The following MACROD2 variants were observed in gnomAD, a reference collection of about 807,000 sequenced individuals.
The protein encoded by MACROD2 is mono-ADP ribosylhydrolase 2.
A neutral mutation model predicts 70.4 loss-of-function variants in MACROD2; 36 were observed. The observed-to-expected ratio is 0.51, with a 90% CI of 0.39 to 0.68. MACROD2 has a LOEUF of 0.68. MACROD2 is among the 30% of genes least tolerant of loss of function. MACROD2 has a pLI of 0.00. For synonymous variants in MACROD2, 172 were observed against 178.8 expected (o/e 0.96, Z 0.30); for missense variants, 496 against 538.4 (o/e 0.92, Z 0.78).
chr20:14,770,012 A>G (rs1196391552), intron 5 of MACROD2, among the ~76,000 whole-genome samples: 2 of 152,118 alleles, frequency 1.3e-5, no homozygotes, highest in Non-Finnish European at 2.9e-5. Flanking sequence ...TTGACATGAA[A>G]ATCATTTCAT....
chr20:14,881,617 A>T (rs937940513), intron 5 of MACROD2, among the ~76,000 whole-genome samples: 3 of 151,984 alleles, frequency 2.0e-5, no homozygotes, highest in Admixed American at 2.0e-4. Flanking sequence ...AGGGTCATAT[A>T]TTGACTTGGT....
chr20:14,145,044 A>G (rs770676524), intron 3 of MACROD2, among the ~76,000 whole-genome samples: 5 of 152,222 alleles, frequency 3.3e-5, no homozygotes, highest in African/African-American at 1.2e-4. Context: ...GATTTCCCCA[A>G]TTCCTCCAGG....
chr20:15,910,201 T>C (rs1368190133), intron 10 of MACROD2, among the ~76,000 whole-genome samples: 1 of 152,224 alleles, frequency 6.6e-6, no homozygotes, highest in Non-Finnish European at 1.5e-5. Flanking sequence ...ATTCTGTTGC[T>C]TTTGCTGAGA....
intron 5 of MACROD2, among the ~76,000 whole-genome samples, chr20:14,919,034 A>G (rs895387648): frequency 6.6e-6 from 1 of 152,164 alleles, no homozygotes; most frequent in Non-Finnish European, 1.5e-5. Context: ...AGTCCTCCCA[A>G]ATTGGATTAA....
chr20:15,830,849 T>A (rs1279768919), intron 8 of MACROD2, among the ~76,000 whole-genome samples: 2 of 152,246 alleles, frequency 1.3e-5, no homozygotes, highest in African/African-American at 4.8e-5. Context: ...TGACTATCAT[T>A]TATGTGTTAT....
intron 3 of MACROD2, among the ~76,000 whole-genome samples, chr20:14,407,569 C>T (rs6110278): frequency 0.28 from 42,399 of 151,938 alleles, 6,869 homozygotes; most frequent in South Asian, 0.57. Flanking sequence ...AAGCCATTCC[C>T]AGTAAAATCG....
intron 6 of MACROD2, among the ~76,000 whole-genome samples, chr20:15,367,305 C>A (rs767721419): frequency 6.6e-6 from 1 of 152,128 alleles, no homozygotes; most frequent in Non-Finnish European, 1.5e-5. Flanking sequence ...GGATTACAGG[C>A]GTGAGCCACC....
intron 3 of MACROD2, among the ~76,000 whole-genome samples, chr20:14,489,922 A>G (rs551479758): frequency 2.0e-5 from 3 of 151,530 alleles, no homozygotes; most frequent in South Asian, 2.1e-4. Context: ...GTGCAGTGGC[A>G]CAATCTCGGC....
intron 9 of MACROD2, among the ~76,000 whole-genome samples, chr20:15,869,816 A>G (rs926979972): frequency 6.6e-6 from 1 of 152,188 alleles, no homozygotes; most frequent in Non-Finnish European, 1.5e-5. Context: ...AATATTTAAC[A>G]TATCTCAATG....
intron 3 of MACROD2, among the ~76,000 whole-genome samples, chr20:14,182,994 C>T (rs2081316690): frequency 6.6e-6 from 1 of 150,418 alleles, no homozygotes; most frequent in Non-Finnish European, 1.5e-5. Flanking sequence ...ACTTTAAGTT[C>T]AGTGGTGTGA....
chr20:14,373,857 A>G (rs16994524), intron 3 of MACROD2, among the ~76,000 whole-genome samples: 8,608 of 152,196 alleles, frequency 0.057, 284 homozygotes, highest in African/African-American at 0.078. Context: ...TTTGTTTATT[A>G]TAGGCTTTCC....
Position 13,998,136 on chromosome 20 carries a change from A to G in MACROD2, c.46+2327A>G, listed in dbSNP as rs535274888. Among the ~76,000 whole-genome samples the G allele has an allele frequency of 7.2e-5, 11 of 152,330 alleles. No individual in the cohort carries two copies. The South Asian group carries it at 1.5e-3, about 20-fold the overall frequency. On this transcript the variant is annotated intron_variant, in intron 1 of 17. Coordinates refer to ENST00000684519, the MANE Select transcript of MACROD2 (RefSeq NM_001351661.2). ...AAAGGACTCATTGTAAAGGTGAAGCATTCTTTAAATAAAAGTTTTATGAAA... is the reference window on the plus strand; with the variant it reads ...AAAGGACTCATTGTAAAGGTGAAGCGTTCTTTAAATAAAAGTTTTATGAAA...
intron 5 of MACROD2, among the ~76,000 whole-genome samples, chr20:14,685,677 T>C (rs533228384): frequency 1.3e-5 from 2 of 152,114 alleles, no homozygotes; most frequent in African/African-American, 4.8e-5. Flanking sequence ...GGGCCTGAGG[T>C]TGGAGGTAGA....
At chr20:14,077,894 C>CTTTTTTTTTTTTTTTTTT (rs58677755) in intron 2 of MACROD2, among the ~76,000 whole-genome samples, 1 of 120,502 alleles carries the variant, frequency 8.3e-6, no homozygotes, top group Non-Finnish European at 1.8e-5. Context: ...AAAGGTTTTT[C>CTTTTTTTTTTTTTTTTTT]TTTTTTTTTT....
chr20:14,152,457 C>G (rs548843578), intron 3 of MACROD2, among the ~76,000 whole-genome samples: 12 of 142,524 alleles, frequency 8.4e-5, no homozygotes, highest in Non-Finnish European at 1.8e-4. Flanking sequence ...GATGGAGTCT[C>G]GCTCTGTTGC....
At chr20:15,326,417 G>T (rs545668495) in intron 6 of MACROD2, among the ~76,000 whole-genome samples, 40 of 152,004 alleles carry the variant, frequency 2.6e-4, no homozygotes, top group Middle Eastern at 3.4e-3. Flanking sequence ...TAATATAAAA[G>T]ATGTTTTATC....
chr20:15,934,508 C>T (rs184383211), intron 11 of MACROD2, among the ~76,000 whole-genome samples: 1 of 152,054 alleles, frequency 6.6e-6, no homozygotes, highest in East Asian at 1.9e-4. Context: ...CCACCCCCAA[C>T]CCACACATTC....
intron 5 of MACROD2, among the ~76,000 whole-genome samples, chr20:15,195,875 A>G (rs1190479199): frequency 2.0e-5 from 3 of 152,220 alleles, no homozygotes; most frequent in African/African-American, 7.2e-5. Flanking sequence ...TGTGGTACAT[A>G]TACACCATGG....
At chr20:14,785,391 G>T (rs80343547) in intron 5 of MACROD2, among the ~76,000 whole-genome samples, 1,974 of 151,892 alleles carry the variant, frequency 0.013, 49 homozygotes, top group African/African-American at 0.045. Context: ...GAAAAAAAAA[G>T]CCTTTAATGG....
Sources: gnomAD v4.1 joint callset for allele counts (sites outside exome capture counted in the v4.1 genomes callset) on GRCh38, gnomAD v4.1.1 for gene constraint, MANE v1.5 for transcripts, NCBI Gene and HGNC (gene_info 2026-07-23, HGNC 2026-07-21) for gene names.